The following KCNAB1 variants were observed in gnomAD, a reference collection of about 807,000 sequenced individuals.
KCNAB1 encodes voltage-gated potassium channel subunit beta-1.
KCNAB1 carries 35 observed loss-of-function variants against 64.6 expected under a neutral mutation model. The ratio of observed to expected loss-of-function variants is 0.54; its 90% confidence interval spans 0.41 to 0.72. The LOEUF (loss-of-function observed/expected upper bound fraction) is 0.72. Ranked by LOEUF, KCNAB1 falls within the 30% of genes least tolerant of loss-of-function variation. The probability of loss-of-function intolerance (pLI) is 0.00; values close to 1 mark genes in which losing one functional copy is unlikely to be tolerated. For synonymous variants in KCNAB1, 177 were observed against 183.8 expected, an observed-to-expected ratio of 0.96 and a Z score of 0.30; for missense variants, 401 against 512.9, an observed-to-expected ratio of 0.78 and a Z score of 2.11.
chr3:156,174,890 T>C (rs2108332679), intron 1 of KCNAB1, among the ~76,000 whole-genome samples: 1 of 152,368 alleles, frequency 6.6e-6, no homozygotes, highest in East Asian at 1.9e-4. Flanking sequence ...AGCTTCTAGC[T>C]AACTTTACCA....
intron 1 of KCNAB1, among the ~76,000 whole-genome samples, chr3:156,205,362 T>C (rs1714591305): frequency 6.6e-6 from 1 of 152,224 alleles, no homozygotes; most frequent in South Asian, 2.1e-4. Context: ...CAATAAATAA[T>C]AGTGAAATTA....
chr3:156,332,010 A>C (rs1723370703), intron 1 of KCNAB1, among the ~76,000 whole-genome samples: 1 of 152,208 alleles, frequency 6.6e-6, no homozygotes, highest in African/African-American at 2.4e-5. Flanking sequence ...GCTGGGATGC[A>C]CAGGACTTCC....
chr3:156,150,870 T>A (rs928341085), intron 1 of KCNAB1, among the ~76,000 whole-genome samples: 8 of 152,288 alleles, frequency 5.3e-5, no homozygotes, highest in African/African-American at 1.9e-4. Context: ...AAGCCTAGAT[T>A]CCATGGCAAG....
intron 1 of KCNAB1, among the ~76,000 whole-genome samples, chr3:156,300,635 T>C (rs1721090454): frequency 6.6e-6 from 1 of 152,090 alleles, no homozygotes; most frequent in Non-Finnish European, 1.5e-5. Context: ...AAAATGTTTT[T>C]CATATTTTGA....
chr3:156,410,994 T>C (rs73019940), intron 1 of KCNAB1, among the ~76,000 whole-genome samples: 6,837 of 152,258 alleles, frequency 0.045, 523 homozygotes, highest in African/African-American at 0.16. Context: ...ATGGTATAGA[T>C]TGTTGAACTT....
intron 1 of KCNAB1, among the ~76,000 whole-genome samples, chr3:156,293,925 C>T (rs772101908): frequency 7.2e-5 from 11 of 152,234 alleles, no homozygotes; most frequent in South Asian, 2.1e-4. Flanking sequence ...CAGGACCCTC[C>T]AGGGTTAAGG....
At chr3:156,189,870 TG>T (rs1357014887) in intron 1 of KCNAB1, among the ~76,000 whole-genome samples, 1 of 152,196 alleles carries the variant, frequency 6.6e-6, no homozygotes, top group Non-Finnish European at 1.5e-5. Context: ...GGCATTGTCA[TG>T]GGCTTTTTAA....
At chr3:156,162,767 A>T (rs1225004302) in intron 1 of KCNAB1, among the ~76,000 whole-genome samples, 3 of 152,106 alleles carry the variant, frequency 2.0e-5, no homozygotes, top group Non-Finnish European at 4.4e-5. Context: ...CCTGGGGAGA[A>T]ATCTGCCCAC....
chr3:156,315,012 TA>T (rs1056906843), intron 1 of KCNAB1, among the ~76,000 whole-genome samples: 22 of 149,970 alleles, frequency 1.5e-4, no homozygotes, highest in African/African-American at 3.9e-4. Context: ...AGACTCCATC[TA>T]AAAAAAAAAT....
intron 1 of KCNAB1, among the ~76,000 whole-genome samples, chr3:156,274,856 C>G (rs2108496381): frequency 6.6e-6 from 1 of 152,248 alleles, no homozygotes; most frequent in East Asian, 1.9e-4. Context: ...TACCATTTTT[C>G]TTTTATTTTT....
chr3:156,250,343 T>C (rs1717745384), intron 1 of KCNAB1, among the ~76,000 whole-genome samples: 1 of 152,148 alleles, frequency 6.6e-6, no homozygotes, highest in African/African-American at 2.4e-5. Context: ...TCAAAGCCTG[T>C]TTTACAAATT....
chr3:156,492,751 G>C (rs1715726301), intron 8 of KCNAB1, among the ~76,000 whole-genome samples: 1 of 152,128 alleles, frequency 6.6e-6, no homozygotes, highest in Admixed American at 6.6e-5. Context: ...AGTGGGTGTT[G>C]AAGGATATAT....
chr3:156,416,586 C>A (rs1231321202), intron 1 of KCNAB1, among the ~76,000 whole-genome samples: 3 of 152,152 alleles, frequency 2.0e-5, no homozygotes, highest in South Asian at 2.1e-4. Context: ...GGCCTACTAT[C>A]CTTTTATTTA....
At chr3:156,392,264 T>TA (rs1713100338) in intron 1 of KCNAB1, among the ~76,000 whole-genome samples, 1 of 152,232 alleles carries the variant, frequency 6.6e-6, no homozygotes, top group African/African-American at 2.4e-5. Context: ...CCTCAGGGGT[T>TA]ACAGCAGTAT....
chr3:156,357,491 A>T lies in KCNAB1; in HGVS notation c.276-64125A>T, dbSNP rs1725337564. 3.9e-5 allele frequency among the ~76,000 whole-genome samples: 6 copies of T among 152,244 alleles called. No individual in the cohort carries two copies. In the South Asian group the frequency reaches 1.2e-3, roughly 32 times the overall value. Reference sequence around the variant, plus strand: ...CAAGATTCTGTTTTTTCTTTATGTGATTCCACCTATTAAAAAAGCCACCAG... The same window carrying T: ...CAAGATTCTGTTTTTTCTTTATGTGTTTCCACCTATTAAAAAAGCCACCAG... On this transcript the variant is annotated intron_variant, in intron 1 of 13. Coordinates refer to ENST00000490337, the MANE Select transcript of KCNAB1 (RefSeq NM_172160.3).
intron 1 of KCNAB1, among the ~76,000 whole-genome samples, chr3:156,308,991 C>A (rs894984506): frequency 1.3e-5 from 2 of 151,984 alleles, no homozygotes; most frequent in Admixed American, 6.5e-5. Context: ...GTTATTTTTT[C>A]CCTTTTAATT....
At chr3:156,364,154 G>A (rs1725796542) in intron 1 of KCNAB1, among the ~76,000 whole-genome samples, 1 of 152,204 alleles carries the variant, frequency 6.6e-6, no homozygotes. Flanking sequence ...CCTGAAGGAA[G>A]TTCCAGAGGT....
Position 156,120,667 on chromosome 3 carries a change from A to C in KCNAB1, c.56A>C (p.Lys19Thr). 1.2e-6 allele frequency: 2 copies of C among 1,614,236 alleles called. No individual in the cohort carries two copies. The highest frequency in any genetic ancestry group is 1.7e-6 in the Non-Finnish European group (2 of 1,180,026). ...AGSQISEENTKLRRQSGFSVA... is the reference protein window; with the variant it reads ...AGSQISEENTTLRRQSGFSVA... ...AGTCAGATCTCAGAGGAGAACACCA[A>C]GTTAAGGAGACAGTCTGGGTTTTCT... is the stretch of plus-strand genomic sequence containing the variant. Residue 19 changes from lysine (K) to threonine (T), a missense_variant, in exon 1 of 14, where the codon AAG becomes ACG. Lys to Thr is a moderately conservative substitution (Grantham distance 78). Coordinates refer to ENST00000490337, the MANE Select transcript of KCNAB1 (RefSeq NM_172160.3).
Position 156,418,627 on chromosome 3 carries a change from C to T in KCNAB1, c.276-2989C>T, listed in dbSNP as rs1185171892. 1.3e-5 allele frequency among the ~76,000 whole-genome samples: 2 copies of T among 152,206 alleles called. 1 individual carries two copies. The highest frequency in any genetic ancestry group is 4.8e-5 in the African/African-American group (2 of 41,448). On this transcript the variant is annotated intron_variant, in intron 1 of 13. Coordinates refer to ENST00000490337, the MANE Select transcript of KCNAB1 (RefSeq NM_172160.3). ...AATTGGAGGTAGCTAGTTCCTCCTA[C>T]CTTCTCCAGCTGCAAAGTGAGTGGC...
Sources: gnomAD v4.1 joint callset for allele counts (sites outside exome capture counted in the v4.1 genomes callset) on GRCh38, gnomAD v4.1.1 for gene constraint, MANE v1.5 for transcripts, NCBI Gene and HGNC (gene_info 2026-07-23, HGNC 2026-07-21) for gene names.